The following NOL4L variants were observed in gnomAD, a reference collection of about 807,000 sequenced individuals.
The protein encoded by NOL4L is nucleolar protein 4 like, also known as nucleolar protein 4-like.
Under a neutral mutation model 64.5 loss-of-function variants are expected in NOL4L, and 7 were observed. The ratio of observed to expected loss-of-function variants is 0.11; its 90% CI spans 0.06 to 0.20. The LOEUF (loss-of-function observed/expected upper bound fraction) is 0.20. NOL4L is among the 10% of genes least tolerant of loss of function. The pLI is 1.00. For missense variants in NOL4L, 680 were observed against 967.1 expected (o/e 0.70, Z 3.94); for synonymous variants, 413 against 401.0 (o/e 1.03, Z -0.36).
chr20:32,579,229 T>G (rs1207441589), intron 1 of NOL4L, among the ~76,000 whole-genome samples: 3 of 152,086 alleles, frequency 2.0e-5, no homozygotes, highest in African/African-American at 7.2e-5. Flanking sequence ...GAGGAGCCTC[T>G]CCACCTGTGC....
chr20:32,452,325 CCGTTGG>C lies in NOL4L; in HGVS notation c.1727_1732del (p.Ala576_Asn577del). 1 of 1,609,628 alleles carries C rather than the reference CCGTTGG, an allele frequency of 6.2e-7. No homozygotes were observed. The highest frequency in any genetic ancestry group is 1.3e-5 in the African/African-American group (1 of 74,894). ...CCCGCGGTAACTGTAGTTGAGGCCG[CCGTTGG>C]CGTACACAGGGTCCTGGGAGTAGGA... On this transcript the variant is annotated inframe_deletion, in exon 10 of 11. Transcript: ENST00000621426.
chr20:32,551,173 C>T (rs957728443), intron 1 of NOL4L, among the ~76,000 whole-genome samples: 13 of 151,534 alleles, frequency 8.6e-5, no homozygotes, highest in Non-Finnish European at 1.3e-4. Context: ...GTCACGAGTT[C>T]GAGACCAGCC....
At chr20:32,527,609 C>A in intron 2 of NOL4L, 149 bp downstream of exon 2, 2 of 865,334 alleles carry the variant, frequency 2.3e-6, no homozygotes, top group South Asian at 1.9e-5. Flanking sequence ...GGCTGCCGTG[C>A]CCTTGCCCTG....
intron 4 of NOL4L, chr20:32,510,186 C>T (rs6579021): frequency 0.028 from 10,204 of 360,316 alleles, 316 homozygotes; most frequent in African/African-American, 0.11. Context: ...AGAACAGGCA[C>T]GCTCAGATGA....
At chr20:32,518,244 G>C (rs886435568) in intron 3 of NOL4L, among the ~76,000 whole-genome samples, 2 of 152,250 alleles carry the variant, frequency 1.3e-5, no homozygotes, top group Non-Finnish European at 2.9e-5. Flanking sequence ...CATGGTGCTA[G>C]TCTTCTGTCC....
chr20:32,470,130 C>T (rs1041797695), intron 5 of NOL4L, among the ~76,000 whole-genome samples: 23 of 152,270 alleles, frequency 1.5e-4, no homozygotes, highest in Admixed American at 1.2e-3. Flanking sequence ...CAGACCCCTG[C>T]TCTCCCCTGG....
At chr20:32,499,738 C>CA (rs10692885) in intron 4 of NOL4L, among the ~76,000 whole-genome samples, 4,441 of 50,412 alleles carry the variant, frequency 0.088, 393 homozygotes, top group East Asian at 0.25. Context: ...GACCTTGTCT[C>CA]AAAAAAAAAA....
chr20:32,505,565 C>A (rs1333668295), intron 4 of NOL4L, among the ~76,000 whole-genome samples: 1 of 152,020 alleles, frequency 6.6e-6, no homozygotes, highest in Non-Finnish European at 1.5e-5. Flanking sequence ...AAAAAAAATA[C>A]AAAAATTAGC....
intron 4 of NOL4L, chr20:32,483,582 C>T: frequency 1.1e-6 from 1 of 918,784 alleles, no homozygotes; most frequent in African/African-American, 2.2e-5. Context: ...GCGGCGGCGC[C>T]GCGGCCCGGA....
chr20:32,473,783 C>T (rs773267691), intron 5 of NOL4L, among the ~76,000 whole-genome samples: 1 of 152,178 alleles, frequency 6.6e-6, no homozygotes, highest in South Asian at 2.1e-4. Context: ...TTGCTGGCTC[C>T]GGCTCCTACA....
At chr20:32,575,683 C>T (rs1742976) in intron 1 of NOL4L, among the ~76,000 whole-genome samples, 4 of 152,224 alleles carry the variant, frequency 2.6e-5, no homozygotes, top group Admixed American at 6.5e-5. Context: ...CAGACGCAGT[C>T]CGCCCTGCTA....
At chr20:32,562,856 G>T (rs1306955341) in intron 1 of NOL4L, among the ~76,000 whole-genome samples, 1 of 144,842 alleles carries the variant, frequency 6.9e-6, no homozygotes, top group African/African-American at 2.6e-5. Flanking sequence ...CCACGCTGTT[G>T]CTCCAGAAGC....
rs1247797171 is a variant in NOL4L at position 32,452,981 on chromosome 20, G to A, written c.1523C>T (p.Thr508Ile). ...CAGGATGTTTTCTGCCATGGCCGAGGTCAGATGGGGTGGCGTGGGTCTGGT... is the reference window on the plus strand; with the variant it reads ...CAGGATGTTTTCTGCCATGGCCGAGATCAGATGGGGTGGCGTGGGTCTGGT... ...EMTRPTPPHL[T>I]SAMAENILAA... Residue 508 changes from threonine to isoleucine, a missense_variant, in exon 9 of 11, where the codon ACC (threonine) becomes ATC (isoleucine). Coordinates refer to ENST00000621426, the MANE Select transcript of NOL4L (RefSeq NM_001256798.2). The A allele has an allele frequency of 6.2e-7, 1 of 1,613,808 alleles. No homozygotes were observed. Among genetic ancestry groups the A allele is most frequent in the Non-Finnish European group, 8.5e-7 (1 of 1,180,020 alleles).
At chr20:32,488,867 C>CTT (rs1173425260) in intron 4 of NOL4L, among the ~76,000 whole-genome samples, 1 of 82,534 alleles carries the variant, frequency 1.2e-5, no homozygotes, top group Non-Finnish European at 2.3e-5. Context: ...TTCTTTCTTT[C>CTT]TTTCTTTCTT....
intron 4 of NOL4L, among the ~76,000 whole-genome samples, chr20:32,487,249 C>G (rs774404418): frequency 1.9e-4 from 29 of 152,106 alleles, no homozygotes; most frequent in Non-Finnish European, 3.5e-4. Flanking sequence ...GCCTGGGCGA[C>G]AGGAGCGAAA....
intron 1 of NOL4L, chr20:32,536,067 C>T: frequency 1.0e-6 from 1 of 985,740 alleles, no homozygotes; most frequent in Non-Finnish European, 1.2e-6. Flanking sequence ...CCTGTGTGAG[C>T]AGACACCATA....
chr20:32,572,970 T>C (rs963014813), intron 1 of NOL4L, among the ~76,000 whole-genome samples: 1 of 152,132 alleles, frequency 6.6e-6, no homozygotes, highest in African/African-American at 2.4e-5. Context: ...TGCTGAGCAC[T>C]TGACATGGAG....
At chr20:32,560,192 G>A (rs1978922778) in intron 1 of NOL4L, among the ~76,000 whole-genome samples, 2 of 152,236 alleles carry the variant, frequency 1.3e-5, no homozygotes, top group Admixed American at 1.3e-4. Context: ...GCACCCAGTG[G>A]GCACCAATCG....
At chr20:32,515,044 T>C (rs2017590482) in intron 3 of NOL4L, among the ~76,000 whole-genome samples, 1 of 152,294 alleles carries the variant, frequency 6.6e-6, no homozygotes, top group East Asian at 1.9e-4. Flanking sequence ...TGCAGTGTCA[T>C]GACTGTTCAT....
Sources: gnomAD v4.1 joint callset for allele counts (sites outside exome capture counted in the v4.1 genomes callset) on GRCh38, gnomAD v4.1.1 for gene constraint, MANE v1.5 for transcripts, NCBI Gene and HGNC (gene_info 2026-07-23, HGNC 2026-07-21) for gene names.